Variants in PMPCB observed in about 807,000 individuals in gnomAD.
The protein encoded by PMPCB is peptidase, mitochondrial processing subunit beta.
Under a neutral mutation model 61.5 loss-of-function variants are expected in PMPCB, and 46 were observed. The observed-to-expected ratio is 0.75, with a 90% confidence interval of 0.59 to 0.96. The LOEUF is 0.96. Among genes scored for constraint, PMPCB ranks in the 40% least tolerant of loss-of-function variants. PMPCB has a pLI of 0.00. For synonymous variants in PMPCB, 191 were observed against 201.6 expected, an observed-to-expected ratio of 0.95 and a Z score of 0.44; for missense variants, 590 against 602.4, an observed-to-expected ratio of 0.98 and a Z score of 0.22.
intron 12 of PMPCB, chr7:103,323,485 A>G: frequency 8.9e-7 from 1 of 1,119,438 alleles, no homozygotes; most frequent in South Asian, 1.7e-5. Flanking sequence ...ATTGTTTAAA[A>G]AAGATGTACA....
intron 12 of PMPCB, among the ~76,000 whole-genome samples, chr7:103,327,170 G>A (rs1374762161): frequency 1.3e-5 from 2 of 152,054 alleles, no homozygotes; most frequent in Admixed American, 6.6e-5. Context: ...TGATGTGTAT[G>A]TAAATAGCAA....
At chr7:103,333,795 C>G (rs932109647), downstream of PMPCB, among the ~76,000 whole-genome samples, 2 of 152,134 alleles carry the variant, frequency 1.3e-5, no homozygotes, top group Admixed American at 1.3e-4. Context: ...GAGATTCATC[C>G]ATGTTTTTCT....
the PMPCB span, among the ~76,000 whole-genome samples, chr7:103,343,046 C>CTACA: frequency 6.6e-6 from 1 of 152,004 alleles, no homozygotes; most frequent in African/African-American, 2.4e-5. Context: ...GTTGTCCAGG[C>CTACA]TGTAGTGCAA....
At chr7:103,338,390 G>A in the PMPCB span, among the ~76,000 whole-genome samples, 8 of 149,658 alleles carry the variant, frequency 5.3e-5, no homozygotes, top group African/African-American at 1.7e-4. Context: ...TCCGCCTCCC[G>A]GGTTCAAGCA....
At chr7:103,330,139 T>C (rs539729865), downstream of PMPCB, among the ~76,000 whole-genome samples, 1 of 152,228 alleles carries the variant, frequency 6.6e-6, no homozygotes, top group African/African-American at 2.4e-5. Flanking sequence ...GTGCTTTCAC[T>C]ACCTACTCAG....
the PMPCB span, chr7:103,345,246 G>A: frequency 6.6e-6 from 1 of 152,614 alleles, no homozygotes; most frequent in Non-Finnish European, 1.5e-5. Context: ...TACTCGCTTG[G>A]AGAAGAAACC....
intron 12 of PMPCB, chr7:103,322,636 GC>G: frequency 6.2e-7 from 1 of 1,612,806 alleles, no homozygotes; most frequent in South Asian, 1.1e-5. Flanking sequence ...GCATTGTCTA[GC>G]AAAAGAAAAA....
Position 103,305,592 on chromosome 7 carries a change from A to C in PMPCB, c.736+1102A>C, listed in dbSNP as rs1817554097. Among the ~76,000 whole-genome samples the C allele has an allele frequency of 2.0e-5, 3 of 152,190 alleles. No individual in the cohort carries two copies. In the South Asian group the frequency reaches 6.2e-4, roughly 31 times the overall value. On this transcript the variant is annotated intron_variant, in intron 6 of 12. Transcript: ENST00000249269. ...TCATTTCTTTGTATTTTTTAATATT[A>C]GAGCAAAGCGAAGTGTTCTTTCGTG...
intron 12 of PMPCB, chr7:103,322,778 A>G (rs376694653): frequency 4.4e-6 from 7 of 1,605,130 alleles, no homozygotes; most frequent in Non-Finnish European, 5.9e-6. Context: ...TTTTCAATCC[A>G]TCTCCTCTCA....
Position 103,311,634 on chromosome 7 carries a change from G to GT in PMPCB, c.1155-3dup, listed in dbSNP as rs1353554885. Reference sequence around the variant, plus strand: ...TTTCCAACTACTACTGTTTTTCCACGTTTTTTAGGATGCGACTCTGTACAA... The same window carrying GT: ...TTTCCAACTACTACTGTTTTTCCACGTTTTTTTAGGATGCGACTCTGTACAA... On this transcript the variant is annotated splice_polypyrimidine_tract_variant and intron_variant, in intron 9 of 12. Transcript: ENST00000249269. 1.2e-6 allele frequency: 2 copies of GT among 1,607,152 alleles called. No individual in the cohort carries two copies. Among genetic ancestry groups the GT allele is most frequent in the East Asian group, 2.2e-5 (1 of 44,822 alleles).
At position 103,322,102 on chromosome 7, in the gene PMPCB, A is replaced by T. The variant is rs770677068; in HGVS notation, c.*1432-6829A>T. The T allele has an allele frequency of 1.9e-6, 3 of 1,580,096 alleles. No individual in the cohort carries two copies. The South Asian group carries it at 3.5e-5, about 19-fold the overall frequency. Reference sequence around the variant, plus strand: ...CTTTGCTTTAAAAAAAGGGAGTAAAATCATTTTAATAGGTACAGTAAAATT... The same window carrying T: ...CTTTGCTTTAAAAAAAGGGAGTAAATTCATTTTAATAGGTACAGTAAAATT... On this transcript the variant is annotated intron_variant and NMD_transcript_variant, in intron 12 of 12. Transcript: ENST00000444457.
At chr7:103,317,920 G>T (rs1039382226), downstream of PMPCB, among the ~76,000 whole-genome samples, 3 of 151,758 alleles carry the variant, frequency 2.0e-5, no homozygotes, top group Non-Finnish European at 4.4e-5. Flanking sequence ...CAAAGTGCTC[G>T]GATTATAGGC....
chr7:103,299,386 C>G (rs1468971948), intron 2 of PMPCB, 57 bp from the exon 3 acceptor site: 2 of 1,043,296 alleles, frequency 1.9e-6, no homozygotes, highest in Non-Finnish European at 2.9e-6. Context: ...GAGACTGTTC[C>G]CCCCAACCTC....
the PMPCB span, among the ~76,000 whole-genome samples, chr7:103,340,882 A>G: frequency 6.6e-6 from 1 of 152,028 alleles, no homozygotes; most frequent in African/African-American, 2.4e-5. Context: ...TGGTACCAAA[A>G]CCTCAGTCTT....
chr7:103,321,795 C>A (rs1425650126), intron 12 of PMPCB: 6 of 923,656 alleles, frequency 6.5e-6, no homozygotes, highest in African/African-American at 3.4e-5. Flanking sequence ...TTGCGGTGAA[C>A]TGAGATCGCG....
chr7:103,329,956 A>G (rs1409930312), downstream of PMPCB, among the ~76,000 whole-genome samples: 1 of 152,208 alleles, frequency 6.6e-6, no homozygotes, highest in Non-Finnish European at 1.5e-5. Flanking sequence ...CCAAAATAGC[A>G]TAAAAAATAA....
Position 103,308,969 on chromosome 7 carries a change from C to A in PMPCB, c.867C>A (p.Asp289Glu). 6.3e-7 allele frequency: 1 copy of A among 1,593,728 alleles called. No individual in the cohort carries two copies. Among genetic ancestry groups the A allele is most frequent in the Non-Finnish European group, 8.5e-7 (1 of 1,170,072 alleles). ...FTGSEIRVRDDKMPLAHLAIA... is the reference protein window; with the variant it reads ...FTGSEIRVRDEKMPLAHLAIA... ...TTAACTAGATTCGTGTGAGGGATGA[C>A]AAGATGCCTTTGGCGCACCTTGCAA... is the stretch of plus-strand genomic sequence containing the variant. The change falls in exon 8 of 13, where the codon GAC becomes GAA. Residue 289 changes from aspartate (D) to glutamate (E), a missense_variant. By Grantham distance (45) the Asp-to-Glu change is conservative. Transcript: ENST00000249269.
chr7:103,301,868 T>C (rs1004051975), intron 4 of PMPCB, among the ~76,000 whole-genome samples: 14 of 152,144 alleles, frequency 9.2e-5, no homozygotes, highest in African/African-American at 2.9e-4. Context: ...TTGTTACATA[T>C]GTATTCATGT....
rs1263206358 is a variant in PMPCB, at chr7:103,312,290, T to G, written c.*19T>G. ...TGATTAAAATGCTCCTAATCAAGAT[T>G]GTTTGAACACATGTATTTATAAAAC... On this transcript the variant is annotated 3_prime_UTR_variant, in exon 13 of 13. Coordinates refer to ENST00000249269, the MANE Select transcript of PMPCB (RefSeq NM_004279.3). The G allele has an allele frequency of 1.2e-6, 2 of 1,607,716 alleles. No individual in the cohort carries two copies. The highest frequency in any genetic ancestry group is 1.7e-6 in the Non-Finnish European group (2 of 1,179,832).
Sources: gnomAD v4.1 joint callset for allele counts (sites outside exome capture counted in the v4.1 genomes callset) on GRCh38, gnomAD v4.1.1 for gene constraint, MANE v1.5 for transcripts, NCBI Gene and HGNC (gene_info 2026-07-23, HGNC 2026-07-21) for gene names.